The following PLXNA4 variants were observed in gnomAD, a reference collection of about 807,000 sequenced individuals.
The protein encoded by PLXNA4 is plexin-A4.
Under a neutral mutation model 191.8 loss-of-function variants are expected in PLXNA4, and 44 were observed. The observed-to-expected ratio is 0.23, with a 90% CI of 0.18 to 0.29. PLXNA4 has a LOEUF of 0.29. Among genes scored for constraint, PLXNA4 ranks in the 10% least tolerant of loss-of-function variants. The probability of loss-of-function intolerance (pLI) is 1.00; values close to 1 mark genes in which losing one functional copy is unlikely to be tolerated. For missense variants in PLXNA4, 1,800 were observed against 2,488.8 expected, an observed-to-expected ratio of 0.72 and a Z score of 5.89; for synonymous variants, 1,082 against 1,009.5, an observed-to-expected ratio of 1.07 and a Z score of -1.36.
intron 1 of PLXNA4, among the ~76,000 whole-genome samples, chr7:132,572,082 C>T (rs1297187023): frequency 6.6e-6 from 1 of 152,328 alleles, no homozygotes; most frequent in Admixed American, 6.5e-5. Context: ...CTCCCAAGCA[C>T]TCACCCATAA....
chr7:132,324,508 G>C (rs1802288675), intron 3 of PLXNA4, among the ~76,000 whole-genome samples: 1 of 152,138 alleles, frequency 6.6e-6, no homozygotes, highest in East Asian at 1.9e-4. Flanking sequence ...CAGGTTAATG[G>C]TTTGAGAGTA....
At chr7:132,411,712 G>A (rs1473569543) in intron 3 of PLXNA4, among the ~76,000 whole-genome samples, 3 of 152,118 alleles carry the variant, frequency 2.0e-5, no homozygotes, top group African/African-American at 7.2e-5. Flanking sequence ...TCCGTGTGAG[G>A]GAGAAGAAAA....
intron 2 of PLXNA4, among the ~76,000 whole-genome samples, chr7:132,584,854 C>A (rs1238184146): frequency 6.6e-6 from 1 of 152,186 alleles, no homozygotes; most frequent in Non-Finnish European, 1.5e-5. Context: ...AAAAAAACTG[C>A]TGCTAAAAAC....
chr7:132,385,098 A>C (rs1805066171), intron 3 of PLXNA4: 8 of 1,560,798 alleles, frequency 5.1e-6, no homozygotes, highest in Non-Finnish European at 6.9e-6. Context: ...CTGGGGTCAC[A>C]GGGAGGTAGA....
intron 30 of PLXNA4, among the ~76,000 whole-genome samples, chr7:132,135,589 C>T (rs1320244571): frequency 1.3e-5 from 2 of 152,194 alleles, no homozygotes; most frequent in Admixed American, 1.3e-4. Context: ...CAGCATTCTG[C>T]CTTCACAGTG....
chr7:132,519,616 A>G (rs1799092245), intron 1 of PLXNA4, among the ~76,000 whole-genome samples: 1 of 152,208 alleles, frequency 6.6e-6, no homozygotes, highest in South Asian at 2.1e-4. Flanking sequence ...CACTCCCTGT[A>G]GCCTCTCTAG....
chr7:132,556,770 A>G (rs1287795878), intron 1 of PLXNA4, among the ~76,000 whole-genome samples: 1 of 152,250 alleles, frequency 6.6e-6, no homozygotes, highest in African/African-American at 2.4e-5. Context: ...AGTTGAATGA[A>G]GACTGAGAGT....
intron 2 of PLXNA4, among the ~76,000 whole-genome samples, chr7:132,496,298 T>C (rs1353704763): frequency 6.6e-6 from 1 of 152,208 alleles, no homozygotes; most frequent in African/African-American, 2.4e-5. Context: ...CACTGGGGCC[T>C]GGAGAGTGAG....
At chr7:132,181,302 G>A (rs1485807698) in intron 18 of PLXNA4, 79 bp downstream of exon 18, 16 of 1,582,780 alleles carry the variant, frequency 1.0e-5, no homozygotes, top group African/African-American at 4.0e-5. Context: ...AATGTGGCAG[G>A]AGTCTGTGAC....
chr7:132,180,995 G>A (rs1159297447), intron 18 of PLXNA4, among the ~76,000 whole-genome samples: 1 of 152,228 alleles, frequency 6.6e-6, no homozygotes, highest in Non-Finnish European at 1.5e-5. Flanking sequence ...GTTGGAGTCA[G>A]TCACTACCAA....
In PLXNA4 at chr7:132,365,364, T is replaced by TGTGC. The variant is rs1554424583; in HGVS notation, c.1372-67143_1372-67142insGCAC. On this transcript the variant is annotated intron_variant, in intron 3 of 31. Transcript: ENST00000321063. The stretch of plus-strand genomic sequence containing the variant: ...GTGTGTGTGTGTGTGTGTGTGTGCG[T>TGTGC]GCGCGCGCATGCATGGGGCAAGAGT... Among the ~76,000 whole-genome samples, 320 of 147,302 alleles carry TGTGC rather than the reference T, an allele frequency of 2.2e-3. 2 individuals carry two copies. The highest frequency in any genetic ancestry group is 7.7e-3 in the African/African-American group (305 of 39,430).
At position 132,181,576 on chromosome 7, in the gene PLXNA4, G is replaced by A. The variant is rs778556054; in HGVS notation, c.3297C>T (p.Pro1099=). 71 of 1,614,050 alleles carry A rather than the reference G, an allele frequency of 4.4e-5. No individual in the cohort carries two copies. Among genetic ancestry groups the A allele is most frequent in the East Asian group, 8.9e-5 (4 of 44,880 alleles). The part of the protein sequence containing the change: ...LNATEMTCQA[P]ALALGPDHQS... Reference sequence around the variant, plus strand: ...GGTGGTCAGGACCCAGAGCGAGGGCGGGCGCCTGACAGGTCATCTCAGTAG... The same window carrying A: ...GGTGGTCAGGACCCAGAGCGAGGGCAGGCGCCTGACAGGTCATCTCAGTAG... The change falls in exon 18 of 32, where the codon CCC becomes CCT. Residue 1099 remains proline, a synonymous_variant. Coordinates refer to ENST00000321063, the MANE Select transcript of PLXNA4 (RefSeq NM_020911.2).
chr7:132,398,979 C>T (rs1427898994), intron 3 of PLXNA4, among the ~76,000 whole-genome samples: 1 of 152,192 alleles, frequency 6.6e-6, no homozygotes, highest in Non-Finnish European at 1.5e-5. Flanking sequence ...CACTCCTCAG[C>T]TGGCCCTGGC....
In PLXNA4 at chr7:132,508,808, T is replaced by G. The variant is rs1798591943; in HGVS notation, c.-86-29A>C. ...GAGAAAGGGAAGACAATGAGCTGGA[T>G]AACAATGCCAGTGGCTTCATTTCAC... On this transcript the variant is annotated intron_variant, in intron 1 of 31. Transcript: ENST00000321063. This position sits in a 1 kb window ranked among gnomAD's most constrained non-coding sequence, Gnocchi z 4.4. The G allele has an allele frequency of 7.0e-7, 1 of 1,430,758 alleles. No homozygotes were observed. The highest frequency in any genetic ancestry group is 9.1e-7 in the Non-Finnish European group (1 of 1,095,936). 88.6% of individuals were successfully genotyped at this position (1,430,758 alleles called of 1,614,324 possible).
intron 4 of PLXNA4, among the ~76,000 whole-genome samples, chr7:132,245,520 G>T (rs1799020228): frequency 6.6e-6 from 1 of 152,212 alleles, no homozygotes; most frequent in South Asian, 2.1e-4. Flanking sequence ...CTATTAGGCA[G>T]TTTAGCAGTT....
At chr7:132,464,736 A>G (rs1238097464) in intron 3 of PLXNA4, among the ~76,000 whole-genome samples, 1 of 152,202 alleles carries the variant, frequency 6.6e-6, no homozygotes, top group Non-Finnish European at 1.5e-5. Flanking sequence ...GAAAATTACC[A>G]GGAGTTAGTC....
rs758035443 is a variant in PLXNA4, at chr7:132,133,051, C to T, written c.5587G>A (p.Glu1863Lys). The change falls in exon 31 of 32, where the codon GAG becomes AAG. Residue 1863 changes from glutamate to lysine, a missense_variant and splice_region_variant. By Grantham distance (56) the Glu-to-Lys change is moderately conservative. Around this residue, in one of 6 missense-constraint regions of PLXNA4, gnomAD observed 83 missense variants for 81.6 expected, o/e 1.02. Coordinates refer to ENST00000321063, the MANE Select transcript of PLXNA4 (RefSeq NM_020911.2). Reference sequence around the variant, plus strand: ...GCCTGGAGCAGGGCAAAGCTTACCTCCTCGCTGTATTTGCCCACATAGGAG... The same window carrying T: ...GCCTGGAGCAGGGCAAAGCTTACCTTCTCGCTGTATTTGCCCACATAGGAG... ...IFSYVGKYSEEILGPLDHDDQ... is the reference protein window; with the variant it reads ...IFSYVGKYSEKILGPLDHDDQ... The T allele has an allele frequency of 1.9e-6, 3 of 1,613,678 alleles. No homozygotes were observed. The highest frequency in any genetic ancestry group is 2.5e-6 in the Non-Finnish European group (3 of 1,179,754).
chr7:132,453,948 A>G (rs1450872975), intron 3 of PLXNA4, among the ~76,000 whole-genome samples: 1 of 152,220 alleles, frequency 6.6e-6, no homozygotes, highest in Admixed American at 6.5e-5. Flanking sequence ...CCGTCAGCAG[A>G]AAGGACATCA....
chr7:132,365,837 C>G (rs989427754), intron 3 of PLXNA4: 1 of 152,158 alleles, frequency 6.6e-6, no homozygotes, highest in Non-Finnish European at 1.5e-5. Context: ...ATCTGGGTGT[C>G]CTGCCCCCTC....
Sources: allele counts gnomAD v4.1 joint callset (sites outside exome capture counted in the v4.1 genomes callset), GRCh38; gene constraint gnomAD v4.1.1; regional missense constraint gnomAD v4.1.1; non-coding constraint Gnocchi (gnomAD v3.1); transcripts MANE v1.5; gene names NCBI Gene and HGNC (gene_info 2026-07-23, HGNC 2026-07-21).